Variants in GCA observed in about 807,000 individuals in gnomAD.
GCA encodes grancalcin, EF-hand calcium-binding protein.
GCA carries 30 observed loss-of-function variants against 32.6 expected under a neutral mutation model. The observed-to-expected ratio is 0.92, with a 90% CI of 0.69 to 1.25. GCA has a LOEUF of 1.25. GCA is among the 50% of genes most tolerant of loss of function. GCA has a pLI of 0.00. For missense variants in GCA, 291 were observed against 266.8 expected (o/e 1.09, Z -0.63); for synonymous variants, 102 against 84.6 (o/e 1.21, Z -1.13).
chr2:162,338,786 T>C (rs1466323280), intron 1 of GCA, among the ~76,000 whole-genome samples: 1 of 152,212 alleles, frequency 6.6e-6, no homozygotes, highest in Non-Finnish European at 1.5e-5. Context: ...TCAGCATTAG[T>C]TGTGGACACA....
downstream of GCA, chr2:162,371,610 C>A: frequency 1.2e-6 from 1 of 816,374 alleles, no homozygotes; most frequent in Non-Finnish European, 1.8e-6. Context: ...CCGTGAGATG[C>A]TGGCAGTTTT....
chr2:162,330,768 G>A (rs1017238019), intron 1 of GCA, among the ~76,000 whole-genome samples: 1 of 152,162 alleles, frequency 6.6e-6, no homozygotes, highest in African/African-American at 2.4e-5. Context: ...AGGGCCAACT[G>A]AGGATACCAT....
At position 162,361,663 on chromosome 2, in the gene GCA, A is replaced by G. The variant is rs944358218; in HGVS notation, c.*1420A>G. The G allele has an allele frequency of 2.0e-6, 2 of 984,500 alleles. No homozygotes were observed. Among genetic ancestry groups the G allele is most frequent in the South Asian group, 4.7e-5 (1 of 21,266 alleles). The allele number at this position is 984,500 out of a possible 1,614,324, so 61.0% of individuals were successfully genotyped here. On this transcript the variant is annotated 3_prime_UTR_variant, in exon 8 of 8. Transcript: ENST00000437150. ...GATAATTTTATATAATTTGCTGTCA[A>G]ATTCACTTGGTCAGTTTTATAAAAA...
intron 4 of GCA, among the ~76,000 whole-genome samples, chr2:162,369,030 C>G (rs1255280383): frequency 6.6e-6 from 1 of 152,018 alleles, no homozygotes; most frequent in Non-Finnish European, 1.5e-5. Flanking sequence ...GACCAGGTAA[C>G]ATTATTTTTA....
rs1685565509 is a variant in GCA at position 162,361,402 on chromosome 2, A to T, written c.*1159A>T. 3.1e-6 allele frequency: 3 copies of T among 979,080 alleles called. No individual in the cohort carries two copies. The South Asian group carries it at 1.4e-4, about 46-fold the overall frequency. 60.6% of individuals were successfully genotyped at this position (979,080 alleles called of 1,614,324 possible). On this transcript the variant is annotated 3_prime_UTR_variant, in exon 8 of 8. Coordinates refer to ENST00000437150, the MANE Select transcript of GCA (RefSeq NM_012198.5). ...TGTCTGTCTTAGTGAAGATTTAATA[A>T]ACCACTTATTTTTCTTATGCTTTAA...
intron 1 of GCA, among the ~76,000 whole-genome samples, chr2:162,330,497 C>A (rs758737684): frequency 2.6e-5 from 4 of 152,216 alleles, no homozygotes; most frequent in Non-Finnish European, 5.9e-5. Context: ...TGAATACACA[C>A]ATTGGCCTTG....
chr2:162,321,923 TATATATATATACAC>T (rs1683687344), intron 1 of GCA, among the ~76,000 whole-genome samples: 1 of 87,958 alleles, frequency 1.1e-5, no homozygotes, highest in African/African-American at 6.5e-5. Context: ...TATATATATA[TATATATATATACAC>T]ACATACATAT....
At chr2:162,363,458 AGAT>A (rs1377776616), downstream of GCA, among the ~76,000 whole-genome samples, 3 of 151,442 alleles carry the variant, frequency 2.0e-5, no homozygotes, top group Non-Finnish European at 4.4e-5. Context: ...ACATAATACT[AGAT>A]GATACAAATT....
chr2:162,347,069 C>A (rs937259267), intron 1 of GCA, among the ~76,000 whole-genome samples: 2 of 152,070 alleles, frequency 1.3e-5, no homozygotes, highest in Non-Finnish European at 2.9e-5. Flanking sequence ...AACTATATAC[C>A]CTTTTCCCAT....
upstream of GCA, chr2:162,344,089 G>A: frequency 1.4e-6 from 1 of 717,192 alleles, no homozygotes. Context: ...GGCGGGGCTG[G>A]CCTGCGGAAG....
intron 1 of GCA, among the ~76,000 whole-genome samples, chr2:162,325,958 G>A (rs1683861424): frequency 6.6e-6 from 1 of 152,184 alleles, no homozygotes; most frequent in African/African-American, 2.4e-5. Flanking sequence ...AGAGGCAAGA[G>A]TAAGACGGGT....
chr2:162,326,756 G>A (rs1250911410), intron 1 of GCA, among the ~76,000 whole-genome samples: 1 of 152,184 alleles, frequency 6.6e-6, no homozygotes, highest in East Asian at 1.9e-4. Context: ...GACCTCAGGT[G>A]ATCTGCCTGC....
chr2:162,369,213 A>T (rs557715800), intron 4 of GCA, among the ~76,000 whole-genome samples: 62 of 152,158 alleles, frequency 4.1e-4, no homozygotes, highest in Non-Finnish European at 4.0e-4. Context: ...TGGTACATTT[A>T]GGCATTAGAT....
In GCA at chr2:162,361,732, T is replaced by A. The variant is rs991191926; in HGVS notation, c.*1489T>A. ...ACATAATTTTGTTCTCTGGCTTTTT[T>A]ATGAACATATATTTGATAATGTGAG... On this transcript the variant is annotated 3_prime_UTR_variant, in exon 8 of 8. Transcript: ENST00000437150. 7 of 982,574 alleles carry A rather than the reference T, an allele frequency of 7.1e-6. No individual in the cohort carries two copies. In the African/African-American group the frequency reaches 8.7e-5, roughly 12 times the overall value. 60.9% of individuals were successfully genotyped at this position (982,574 alleles called of 1,614,324 possible).
intron 1 of GCA, among the ~76,000 whole-genome samples, chr2:162,328,440 T>G (rs1288810329): frequency 1.3e-5 from 2 of 151,892 alleles, no homozygotes; most frequent in Admixed American, 6.6e-5. Context: ...GAGAGAGAGA[T>G]GGCAGGGTTT....
downstream of GCA, among the ~76,000 whole-genome samples, chr2:162,364,347 A>G (rs1247727089): frequency 6.6e-6 from 1 of 151,550 alleles, no homozygotes; most frequent in Non-Finnish European, 1.5e-5. Flanking sequence ...TCAAATGATT[A>G]TAAGATTTTT....
At chr2:162,368,911 G>A (rs1685837897) in intron 4 of GCA, among the ~76,000 whole-genome samples, 1 of 152,198 alleles carries the variant, frequency 6.6e-6, no homozygotes, top group East Asian at 1.9e-4. Flanking sequence ...CCCCTATGGA[G>A]GAGAATGATA....
downstream of GCA, among the ~76,000 whole-genome samples, chr2:162,367,872 AC>A (rs1685806380): frequency 6.6e-6 from 1 of 152,108 alleles, no homozygotes; most frequent in African/African-American, 2.4e-5. Flanking sequence ...TGAGACAGAT[AC>A]CATTGCCTTA....
At chr2:162,341,474 A>G (rs1289151999), upstream of GCA, among the ~76,000 whole-genome samples, 1 of 151,868 alleles carries the variant, frequency 6.6e-6, no homozygotes, top group African/African-American at 2.4e-5. Context: ...GTGCTGGTTA[A>G]TTGAATATCT....
Sources: gnomAD v4.1 joint callset for allele counts (sites outside exome capture counted in the v4.1 genomes callset) on GRCh38, gnomAD v4.1.1 for gene constraint, MANE v1.5 for transcripts, NCBI Gene and HGNC (gene_info 2026-07-23, HGNC 2026-07-21) for gene names.